The following CGGBP1 variants were observed in gnomAD, a reference collection of about 807,000 sequenced individuals.
CGGBP1 encodes CGG triplet repeat-binding protein 1.
Under a neutral mutation model 11.4 loss-of-function variants are expected in CGGBP1, and 4 were observed. The ratio of observed to expected loss-of-function variants is 0.35; its 90% CI spans 0.17 to 0.80. The LOEUF (loss-of-function observed/expected upper bound fraction) is 0.80, where lower values mean the gene tolerates loss of function less well. Among genes scored for constraint, CGGBP1 ranks in the 30% least tolerant of loss-of-function variants. CGGBP1 has a pLI of 0.52. For synonymous variants in CGGBP1, 76 were observed against 74.1 expected, an observed-to-expected ratio of 1.03 and a Z score of -0.13; for missense variants, 135 against 202.1, an observed-to-expected ratio of 0.67 and a Z score of 2.01.
intron 2 of CGGBP1, chr3:88,095,661 C>CT: frequency 2.1e-6 from 1 of 475,440 alleles, no homozygotes; most frequent in South Asian, 1.6e-5. Flanking sequence ...ACTCTGTTCT[C>CT]TTTTTTGGAC....
At chr3:88,110,319 G>T (rs1705011232) in intron 2 of CGGBP1, among the ~76,000 whole-genome samples, 1 of 152,208 alleles carries the variant, frequency 6.6e-6, no homozygotes, top group Admixed American at 6.5e-5. Flanking sequence ...ATTATAGGCT[G>T]TCTGCCTATA....
At chr3:88,072,283 C>A (rs1325779262) in intron 2 of CGGBP1, among the ~76,000 whole-genome samples, 1 of 152,112 alleles carries the variant, frequency 6.6e-6, no homozygotes, top group Non-Finnish European at 1.5e-5. Context: ...CTGTTGCCAC[C>A]TTTCCTCACT....
intron 2 of CGGBP1, among the ~76,000 whole-genome samples, chr3:88,125,562 T>C (rs1196359545): frequency 6.6e-6 from 1 of 152,184 alleles, no homozygotes; most frequent in Middle Eastern, 3.2e-3. Context: ...TTCTTTAACC[T>C]GTCATTTTTT....
chr3:88,095,041 T>C (rs1002581454), intron 2 of CGGBP1, among the ~76,000 whole-genome samples: 2 of 152,166 alleles, frequency 1.3e-5, no homozygotes, highest in South Asian at 2.1e-4. Context: ...AACAGAATTA[T>C]AGAATTCAAA....
intron 1 of CGGBP1, chr3:88,143,036 A>G (rs1377049050): frequency 6.6e-6 from 1 of 152,322 alleles, no homozygotes; most frequent in East Asian, 1.9e-4. Flanking sequence ...GTTTCAAAAC[A>G]GATCTCCTAA....
chr3:88,085,366 A>G (rs1708286647), intron 2 of CGGBP1, among the ~76,000 whole-genome samples: 1 of 152,208 alleles, frequency 6.6e-6, no homozygotes, highest in South Asian at 2.1e-4. Context: ...GTTCCAATAA[A>G]ACCTTATTTA....
At position 88,116,557 on chromosome 3, in the gene CGGBP1, T is replaced by TACACACAC. The variant is rs745598873; in HGVS notation, c.-229+24412_-229+24413insGTGTGTGT. On this transcript the variant is annotated intron_variant, in intron 2 of 3. Transcript: ENST00000462901. ...AAAAAAATACATACATACATACATA[T>TACACACAC]ATATACACACACACACACACATGCA... Among the ~76,000 whole-genome samples, 138 of 25,486 alleles carry TACACACAC rather than the reference T, an allele frequency of 5.4e-3. 1 individual carries two copies. The highest frequency in any genetic ancestry group is 3.3e-3 in the South Asian group (1 of 304). The allele number at this position is 25,486 out of a possible 152,430, so 16.7% of individuals were successfully genotyped here.
intron 2 of CGGBP1, among the ~76,000 whole-genome samples, chr3:88,064,705 T>TA (rs1159697465): frequency 6.6e-6 from 1 of 152,234 alleles, no homozygotes; most frequent in Non-Finnish European, 1.5e-5. Context: ...CATCTGTAGA[T>TA]ATCTCTCCTT....
chr3:88,092,802 G>T (rs1406234630), intron 2 of CGGBP1, among the ~76,000 whole-genome samples: 1 of 152,054 alleles, frequency 6.6e-6, no homozygotes, highest in Non-Finnish European at 1.5e-5. Flanking sequence ...GTATTGTCTG[G>T]TATATATGTC....
At chr3:88,139,534 C>T in intron 2 of CGGBP1, 1 of 1,613,332 alleles carries the variant, frequency 6.2e-7, no homozygotes, top group African/African-American at 1.3e-5. Context: ...ATAAATTGTT[C>T]TAGTTCTTCC....
chr3:88,108,884 T>C (rs2107748034), intron 2 of CGGBP1, among the ~76,000 whole-genome samples: 1 of 152,220 alleles, frequency 6.6e-6, no homozygotes, highest in Middle Eastern at 3.4e-3. Flanking sequence ...AGAACAAATT[T>C]CCTATCTCTG....
upstream of CGGBP1, among the ~76,000 whole-genome samples, chr3:88,061,319 T>C (rs1295950224): frequency 6.6e-6 from 1 of 152,128 alleles, no homozygotes; most frequent in African/African-American, 2.4e-5. Flanking sequence ...AGTGTCTTAA[T>C]AGTGACAGTA....
intron 2 of CGGBP1, among the ~76,000 whole-genome samples, chr3:88,100,696 A>G (rs1237738522): frequency 2.6e-5 from 4 of 152,202 alleles, no homozygotes; most frequent in African/African-American, 7.2e-5. Flanking sequence ...ATTCTCAGCA[A>G]ACTATCACAA....
chr3:88,109,322 A>G (rs1300163923), intron 2 of CGGBP1, among the ~76,000 whole-genome samples: 1 of 152,182 alleles, frequency 6.6e-6, no homozygotes, highest in African/African-American at 2.4e-5. Flanking sequence ...AGGACTGAAT[A>G]GAAATTTCTG....
At chr3:88,139,115 T>C in intron 2 of CGGBP1, 1 of 1,272,422 alleles carries the variant, frequency 7.9e-7, no homozygotes, top group South Asian at 3.5e-5. Flanking sequence ...TGGAAAATAA[T>C]GCAGGTAATC....
rs1349900021 is a variant in CGGBP1, at chr3:88,053,208, TC to T, written c.*2264del. Reference sequence around the variant, plus strand: ...CATGGTTTCAGGGATTTGTATCAGTTCGAGCAGGCTAAAACAATCATTCTGC... The same window carrying T: ...CATGGTTTCAGGGATTTGTATCAGTTGAGCAGGCTAAAACAATCATTCTGC... On this transcript the variant is annotated 3_prime_UTR_variant, in exon 4 of 4. Coordinates refer to ENST00000482016, the MANE Select transcript of CGGBP1 (RefSeq NM_001008390.2). The T allele has an allele frequency of 6.6e-6, 1 of 152,174 alleles. No individual in the cohort carries two copies. Among genetic ancestry groups the T allele is most frequent in the East Asian group, 1.9e-4 (1 of 5,194 alleles). The allele number at this position is 152,174 out of a possible 1,614,324, so 9.4% of individuals were successfully genotyped here. A position where few individuals can be genotyped will look rare whatever the true frequency, so the allele number is the denominator to read the frequency against.
chr3:88,128,961 C>A (rs1295565532), intron 2 of CGGBP1: 1 of 1,535,192 alleles, frequency 6.5e-7, no homozygotes, highest in African/African-American at 1.4e-5. Context: ...CCATCAAGCA[C>A]TCTTCACATG....
chr3:88,080,901 G>C (rs1233774815), intron 2 of CGGBP1, among the ~76,000 whole-genome samples: 2 of 152,112 alleles, frequency 1.3e-5, no homozygotes, highest in African/African-American at 4.8e-5. Flanking sequence ...AAGTAACATT[G>C]GTACAATAGT....
chr3:88,101,383 A>G (rs373927347), intron 2 of CGGBP1, among the ~76,000 whole-genome samples: 1 of 152,164 alleles, frequency 6.6e-6, no homozygotes, highest in Admixed American at 6.6e-5. Flanking sequence ...AATATGTAGT[A>G]TTTTGGATAC....
Sources: gnomAD v4.1 joint callset for allele counts (sites outside exome capture counted in the v4.1 genomes callset) on GRCh38, gnomAD v4.1.1 for gene constraint, MANE v1.5 for transcripts, NCBI Gene and HGNC (gene_info 2026-07-23, HGNC 2026-07-21) for gene names.